The following LNX2 variants were observed in gnomAD, a reference collection of about 807,000 sequenced individuals.
LNX2 encodes ligand of Numb protein X 2.
LNX2 carries 35 observed loss-of-function variants against 66.2 expected under a neutral mutation model. The observed-to-expected ratio is 0.53, with a 90% CI of 0.40 to 0.70. The LOEUF is 0.70. Among genes scored for constraint, LNX2 ranks in the 30% least tolerant of loss-of-function variants. The pLI is 0.00. For missense variants in LNX2, 791 were observed against 850.8 expected (o/e 0.93, Z 0.87); for synonymous variants, 337 against 315.6 (o/e 1.07, Z -0.72).
At chr13:27,604,073 T>C (rs915689709) in intron 1 of LNX2, among the ~76,000 whole-genome samples, 3 of 151,556 alleles carry the variant, frequency 2.0e-5, no homozygotes, top group African/African-American at 7.3e-5. Flanking sequence ...CCTAACACGG[T>C]GAAACCCTGT....
At chr13:27,565,649 T>C (rs1207389535) in intron 4 of LNX2, among the ~76,000 whole-genome samples, 1 of 152,204 alleles carries the variant, frequency 6.6e-6, no homozygotes, top group African/African-American at 2.4e-5. Context: ...AATCTGATTT[T>C]ATATGAGCTG....
chr13:27,583,977 A>C (rs1955454969), intron 1 of LNX2, among the ~76,000 whole-genome samples: 1 of 152,142 alleles, frequency 6.6e-6, no homozygotes, highest in Admixed American at 6.5e-5. Context: ...CAGAGAGAAA[A>C]AATGGACAAG....
At chr13:27,560,265 C>T (rs1388652304) in intron 5 of LNX2, among the ~76,000 whole-genome samples, 3 of 152,116 alleles carry the variant, frequency 2.0e-5, no homozygotes, top group Non-Finnish European at 2.9e-5. Flanking sequence ...TGCCTGGGCT[C>T]TTATTGCCCC....
chr13:27,559,820 A>T (rs779562988), intron 6 of LNX2, 22 bp downstream of exon 6: 96 of 180,948 alleles, frequency 5.3e-4, no homozygotes, highest in Middle Eastern at 1.2e-3. Context: ...ATGGTGGCAT[A>T]AAAAAAAAAA....
At chr13:27,595,065 CT>C (rs1487606308) in intron 1 of LNX2, among the ~76,000 whole-genome samples, 1 of 152,206 alleles carries the variant, frequency 6.6e-6, no homozygotes, top group East Asian at 1.9e-4. Context: ...CCAGATCTGA[CT>C]CTAGTTTCAC....
chr13:27,550,296 C>T (rs1291794443), intron 9 of LNX2, 37 bp downstream of exon 9: 1 of 1,576,020 alleles, frequency 6.3e-7, no homozygotes, highest in East Asian at 2.2e-5. Context: ...CCAATGTCAT[C>T]AACATGAATC....
intron 6 of LNX2, among the ~76,000 whole-genome samples, chr13:27,558,740 TG>T (rs1955093536): frequency 6.6e-6 from 1 of 152,162 alleles, no homozygotes; most frequent in Admixed American, 6.5e-5. Flanking sequence ...ATTTTGGTTT[TG>T]CTCAGAAATG....
intron 1 of LNX2, among the ~76,000 whole-genome samples, chr13:27,620,034 C>G (rs961995502): frequency 6.6e-6 from 1 of 152,088 alleles, no homozygotes; most frequent in Non-Finnish European, 1.5e-5. Flanking sequence ...TCTCCCTTCC[C>G]TTAAGAAGCA....
chr13:27,562,180 C>G (rs1955143386), intron 5 of LNX2, among the ~76,000 whole-genome samples: 1 of 152,148 alleles, frequency 6.6e-6, no homozygotes, highest in Non-Finnish European at 1.5e-5. Context: ...AACAGTAGAG[C>G]CTACGCTCTG....
At chr13:27,573,892 C>A (rs1955314251) in intron 2 of LNX2, among the ~76,000 whole-genome samples, 2 of 139,298 alleles carry the variant, frequency 1.4e-5, no homozygotes, top group Admixed American at 7.3e-5. Context: ...AATTAAGAAA[C>A]ATGCAAAGAA....
chr13:27,582,739 C>T (rs1031836996), intron 1 of LNX2, among the ~76,000 whole-genome samples: 4 of 151,942 alleles, frequency 2.6e-5, no homozygotes, highest in Non-Finnish European at 5.9e-5. Flanking sequence ...CAGGGCCTGT[C>T]AGGGGATGGG....
Position 27,569,331 on chromosome 13 carries a change from T to A in LNX2, c.408-55A>T. 1 of 1,564,362 alleles carries A rather than the reference T, an allele frequency of 6.4e-7. No individual in the cohort carries two copies. Among genetic ancestry groups the A allele is most frequent in the Admixed American group, 1.9e-5 (1 of 52,906 alleles). ...ATGATTTTGAAAACAAACAAACAAA[T>A]AAAATAGGGAGGGGGACTAATAGCT... On this transcript the variant is annotated intron_variant, in intron 2 of 9. Coordinates refer to ENST00000316334, the MANE Select transcript of LNX2 (RefSeq NM_153371.4).
chr13:27,583,562 T>C (rs577549365), intron 1 of LNX2, among the ~76,000 whole-genome samples: 65 of 152,066 alleles, frequency 4.3e-4, no homozygotes, highest in African/African-American at 1.5e-3. Flanking sequence ...GGCCCTCCAA[T>C]ATAACTCTTA....
chr13:27,576,712 G>A (rs532978871), intron 2 of LNX2, among the ~76,000 whole-genome samples: 30 of 150,664 alleles, frequency 2.0e-4, no homozygotes, highest in Admixed American at 3.3e-4. Flanking sequence ...GTGACAGAGC[G>A]AGATGCTATC....
intron 4 of LNX2, among the ~76,000 whole-genome samples, chr13:27,567,438 G>A (rs530063743): frequency 7.2e-5 from 11 of 152,116 alleles, no homozygotes; most frequent in African/African-American, 2.7e-4. Flanking sequence ...ATGCAGGAAT[G>A]AAAATTAAGA....
chr13:27,607,339 T>C (rs1341980734), intron 1 of LNX2, among the ~76,000 whole-genome samples: 3 of 152,216 alleles, frequency 2.0e-5, no homozygotes, highest in Admixed American at 6.5e-5. Context: ...TGATGAGTCA[T>C]GGGTCACACT....
intron 2 of LNX2, among the ~76,000 whole-genome samples, chr13:27,577,559 A>G (rs547390825): frequency 2.6e-5 from 4 of 152,336 alleles, no homozygotes; most frequent in African/African-American, 9.6e-5. Flanking sequence ...TTAAAAAAAA[A>G]ATAATCCCAA....
chr13:27,598,956 T>A (rs1300622894), intron 1 of LNX2, among the ~76,000 whole-genome samples: 1 of 152,186 alleles, frequency 6.6e-6, no homozygotes, highest in Non-Finnish European at 1.5e-5. Flanking sequence ...AAATGCTGGA[T>A]GGACCTCATT....
At chr13:27,589,324 GCTATAA>G (rs1246389891) in intron 1 of LNX2, among the ~76,000 whole-genome samples, 1 of 152,064 alleles carries the variant, frequency 6.6e-6, no homozygotes, top group East Asian at 1.9e-4. Flanking sequence ...TAAACTACTG[GCTATAA>G]CTATAATCTA....
Sources: allele counts gnomAD v4.1 joint callset (sites outside exome capture counted in the v4.1 genomes callset), GRCh38; gene constraint gnomAD v4.1.1; transcripts MANE v1.5; gene names NCBI Gene and HGNC (gene_info 2026-07-23, HGNC 2026-07-21).